LRRTM2: variants seen among roughly 807,000 people sequenced by gnomAD.
The protein encoded by LRRTM2 is leucine rich repeat transmembrane neuronal 2, also known as leucine-rich repeat transmembrane neuronal protein 2.
A neutral mutation model predicts 40.7 loss-of-function variants in LRRTM2; 14 were observed. That is an observed-to-expected ratio of 0.34 (90% CI 0.23 to 0.54). LRRTM2 has a LOEUF of 0.54. Among genes scored for constraint, LRRTM2 ranks in the 20% least tolerant of loss-of-function variants. The probability of loss-of-function intolerance (pLI) is 0.92; values close to 1 mark genes in which losing one functional copy is unlikely to be tolerated. For synonymous variants in LRRTM2, 223 were observed against 237.6 expected (o/e 0.94, Z 0.57); for missense variants, 468 against 624.4 (o/e 0.75, Z 2.67).
Position 138,871,488 on chromosome 5 carries a change from G to A in LRRTM2, c.*1522C>T. ...TGTGGTTCTTTTCTGCATGAAAAAT[G>A]TGGCATCCTTATCATTTGTTAACTA... On this transcript the variant is annotated 3_prime_UTR_variant, in exon 2 of 2. Coordinates refer to ENST00000274711, the MANE Select transcript of LRRTM2 (RefSeq NM_015564.3). 1 of 152,216 alleles carries A rather than the reference G, an allele frequency of 6.6e-6. No individual in the cohort carries two copies. Among genetic ancestry groups the A allele is most frequent in the Non-Finnish European group, 1.5e-5 (1 of 68,020 alleles). 9.4% of individuals were successfully genotyped at this position (152,216 alleles called of 1,614,324 possible).
Position 138,869,263 on chromosome 5 carries a change from T to C in LRRTM2, c.*3747A>G, listed in dbSNP as rs138637677. On this transcript the variant is annotated 3_prime_UTR_variant, in exon 2 of 2. Coordinates refer to ENST00000274711, the MANE Select transcript of LRRTM2 (RefSeq NM_015564.3). ...ATGTTTGCAATAGCAGAATGAAAGC[T>C]TAAACAGTAATTTTCTATTTGTTTT... The C allele has an allele frequency of 7.9e-5, 12 of 152,186 alleles. No individual in the cohort carries two copies. The highest frequency in any genetic ancestry group is 3.9e-4 in the Admixed American group (6 of 15,290). 9.4% of individuals were successfully genotyped at this position (152,186 alleles called of 1,614,324 possible).
Position 138,870,428 on chromosome 5 carries a change from G to A in LRRTM2, c.*2582C>T, listed in dbSNP as rs1765230035. The stretch of plus-strand genomic sequence containing the variant: ...AAGGACATTACCCAGAAAAATGGAA[G>A]GCAAAAAATTTTGATTTTTTTCAAC... On this transcript the variant is annotated 3_prime_UTR_variant, in exon 2 of 2. Coordinates refer to ENST00000274711, the MANE Select transcript of LRRTM2 (RefSeq NM_015564.3). 2 of 152,158 alleles carry A rather than the reference G, an allele frequency of 1.3e-5. No individual in the cohort carries two copies. The highest frequency in any genetic ancestry group is 4.1e-4 in the South Asian group (2 of 4,830). 9.4% of individuals were successfully genotyped at this position (152,158 alleles called of 1,614,324 possible).
Position 138,873,667 on chromosome 5 carries a change from G to A in LRRTM2, c.894C>T (p.Asn298=), listed in dbSNP as rs1294236634. ...CAACGGTTGTGAGGGATCTCAGGGA[G>A]TTTAAGATCTTGGAATCAAGGCTGT... ...KLNSLDSKIL[N]SLRSLTTVGL... Residue 298 remains asparagine (N), a synonymous_variant, in exon 2 of 2, where the codon AAC becomes AAT. Transcript: ENST00000274711. This position sits in a 1 kb window ranked among gnomAD's most constrained non-coding sequence, Gnocchi z 6.1. The A allele has an allele frequency of 1.9e-6, 3 of 1,614,056 alleles. No individual in the cohort carries two copies. The South Asian group carries it at 3.3e-5, about 18-fold the overall frequency.
chr5:138,874,188 G>A lies in LRRTM2; in HGVS notation c.373C>T (p.Pro125Ser), dbSNP rs750634206. 6.2e-7 allele frequency: 1 copy of A among 1,613,938 alleles called. No individual in the cohort carries two copies. Among genetic ancestry groups the A allele is most frequent in the Non-Finnish European group, 8.5e-7 (1 of 1,179,868 alleles). ...ATCAGTTGGGTAAAAGTTGTGTTTG[G>A]CAAGTAAAATATTTTGTTGGAACTT... is the stretch of plus-strand genomic sequence containing the variant. ...ILSSNKIFYL[P>S]NTTFTQLINL... The change falls in exon 2 of 2, where the codon CCA becomes TCA. Residue 125 changes from proline (P) to serine (S), a missense_variant. Coordinates refer to ENST00000274711, the MANE Select transcript of LRRTM2 (RefSeq NM_015564.3). The surrounding 1 kb of genome is among the most constrained non-coding windows in gnomAD (Gnocchi z 4.1).
rs1750818919 is a variant in LRRTM2, at chr5:138,872,947, A to T, written c.*63T>A. 1 of 1,218,132 alleles carries T rather than the reference A, an allele frequency of 8.2e-7. No individual in the cohort carries two copies. The highest frequency in any genetic ancestry group is 2.3e-5 in the Admixed American group (1 of 42,768). 75.5% of individuals were successfully genotyped at this position (1,218,132 alleles called of 1,614,324 possible). ...CACCATTGGTAAAAATTAGATATGT[A>T]TTTAGCCTCTACTATGTAAAATAGG... On this transcript the variant is annotated 3_prime_UTR_variant, in exon 2 of 2. Transcript: ENST00000274711.
Position 138,874,061 on chromosome 5 carries a change from T to C in LRRTM2, c.500A>G (p.Asn167Ser), listed in dbSNP as rs1294547808. Residue 167 changes from asparagine (N) to serine (S), a missense_variant, in exon 2 of 2, where the codon AAC becomes AGC. Physicochemically the swap from Asn to Ser is conservative, Grantham distance 46 (BLOSUM62 1). Transcript: ENST00000274711. The surrounding 1 kb of genome is among the most constrained non-coding windows in gnomAD (Gnocchi z 4.1). ...GCGTACTGGGATAGTCCGCAGGGAG[T>C]TGGAACGTAAATGCAAGGTCTGCAG... ...RKLQTLHLRS[N>S]SLRTIPVRLF... The C allele has an allele frequency of 1.2e-6, 2 of 1,613,376 alleles. No individual in the cohort carries two copies. The highest frequency in any genetic ancestry group is 1.3e-5 in the African/African-American group (1 of 74,710).
rs1251826695 is a variant in LRRTM2, at chr5:138,871,974, A to AT, written c.*1035_*1036insA. 2.0e-5 allele frequency: 3 copies of AT among 151,628 alleles called. No homozygotes were observed. Among genetic ancestry groups the AT allele is most frequent in the African/African-American group, 4.8e-5 (2 of 41,268 alleles). The allele number at this position is 151,628 out of a possible 1,614,324, so 9.4% of individuals were successfully genotyped here. A position where few individuals can be genotyped will look rare whatever the true frequency, so the allele number is the denominator to read the frequency against. On this transcript the variant is annotated 3_prime_UTR_variant, in exon 2 of 2. Transcript: ENST00000274711. ...GGAAAAAGCAGAAGAAAGAGGTTTAAACCCCTTTGTCAAGGCATCTTTGAT... is the reference window on the plus strand; with the variant it reads ...GGAAAAAGCAGAAGAAAGAGGTTTAATACCCCTTTGTCAAGGCATCTTTGAT...
Position 138,870,101 on chromosome 5 carries a change from T to C in LRRTM2, c.*2909A>G, listed in dbSNP as rs912126715. ...GGTCATTTTCCTCTAATCTTAAAAA[T>C]AGAAAAAAAATGGAGTGGGTAGTGG... is the stretch of plus-strand genomic sequence containing the variant. On this transcript the variant is annotated 3_prime_UTR_variant, in exon 2 of 2. Transcript: ENST00000274711. 3.3e-5 allele frequency: 5 copies of C among 152,004 alleles called. No individual in the cohort carries two copies. Among genetic ancestry groups the C allele is most frequent in the African/African-American group, 9.7e-5 (4 of 41,382 alleles). 9.4% of individuals were successfully genotyped at this position (152,004 alleles called of 1,614,324 possible).
In LRRTM2 at chr5:138,874,217, A is replaced by C; in HGVS notation, c.344T>G (p.Ile115Ser). ...GTAAAATATTTTGTTGGAACTTAAGATTAATTCCTTAAGTTTATATAGTCC... is the reference window on the plus strand; with the variant it reads ...GTAAAATATTTTGTTGGAACTTAAGCTTAATTCCTTAAGTTTATATAGTCC... ...FQGLYKLKEL[I>S]LSSNKIFYLP... Residue 115 changes from isoleucine to serine, a missense_variant, in exon 2 of 2, where the codon ATC (isoleucine) becomes AGC (serine). Physicochemically the swap from Ile to Ser is moderately radical, Grantham distance 142. Coordinates refer to ENST00000274711, the MANE Select transcript of LRRTM2 (RefSeq NM_015564.3). This position sits in a 1 kb window ranked among gnomAD's most constrained non-coding sequence, Gnocchi z 4.1. 1 of 1,613,920 alleles carries C rather than the reference A, an allele frequency of 6.2e-7. No homozygotes were observed. Among genetic ancestry groups the C allele is most frequent in the South Asian group, 1.1e-5 (1 of 91,080 alleles).
rs1188979387 is a variant in LRRTM2 at position 138,869,750 on chromosome 5, G to A, written c.*3260C>T. On this transcript the variant is annotated 3_prime_UTR_variant, in exon 2 of 2. Coordinates refer to ENST00000274711, the MANE Select transcript of LRRTM2 (RefSeq NM_015564.3). ...TGGATTTTAATAATTAGTGGCGTTG[G>A]GAAGTTCAGTCAATTCCATTTATTG... The A allele has an allele frequency of 1.3e-5, 2 of 152,678 alleles. No individual in the cohort carries two copies. Among genetic ancestry groups the A allele is most frequent in the Non-Finnish European group, 2.9e-5 (2 of 68,030 alleles). 9.5% of individuals were successfully genotyped at this position (152,678 alleles called of 1,614,324 possible). A position where few individuals can be genotyped will look rare whatever the true frequency, so the allele number is the denominator to read the frequency against.
In LRRTM2 at chr5:138,873,744, A is replaced by G; in HGVS notation, c.817T>C (p.Phe273Leu). The change falls in exon 2 of 2, where the codon TTT (phenylalanine) becomes CTT (leucine). Residue 273 changes from phenylalanine (F) to leucine (L), a missense_variant. Physicochemically the swap from Phe to Leu is conservative, Grantham distance 22. Coordinates refer to ENST00000274711, the MANE Select transcript of LRRTM2 (RefSeq NM_015564.3). The surrounding 1 kb of genome is among the most constrained non-coding windows in gnomAD (Gnocchi z 6.1). ...ATTTTAAGATTGGGCATCGTTTCAAACACTGTCAAGTCGATGGCTTTGATT... is the reference window on the plus strand; with the variant it reads ...ATTTTAAGATTGGGCATCGTTTCAAGCACTGTCAAGTCGATGGCTTTGATT... The part of the protein sequence containing the change: ...NEIKAIDLTV[F>L]ETMPNLKILL... 1 of 1,614,038 alleles carries G rather than the reference A, an allele frequency of 6.2e-7. No individual in the cohort carries two copies. Among genetic ancestry groups the G allele is most frequent in the Non-Finnish European group, 8.5e-7 (1 of 1,179,902 alleles).
chr5:138,873,965 T>C lies in LRRTM2; in HGVS notation c.596A>G (p.Asn199Ser). 6.2e-7 allele frequency: 1 copy of C among 1,614,004 alleles called. No homozygotes were observed. The highest frequency in any genetic ancestry group is 8.5e-7 in the Non-Finnish European group (1 of 1,179,894). ...STNRLRSLAR[N>S]GFAGLIKLRE... ...CAGTTTAATTAATCCTGCAAATCCA[T>C]TGCGAGCCAAACTTCGCAAACGATT... The change falls in exon 2 of 2, where the codon AAT becomes AGT. Residue 199 changes from asparagine to serine, a missense_variant. By Grantham distance (46) the Asn-to-Ser change is conservative. Coordinates refer to ENST00000274711, the MANE Select transcript of LRRTM2 (RefSeq NM_015564.3). The surrounding 1 kb of genome is among the most constrained non-coding windows in gnomAD (Gnocchi z 6.1).
chr5:138,871,279 C>T lies in LRRTM2; in HGVS notation c.*1731G>A, dbSNP rs1750575141. ...AGGTTTTATGTCTTTTTTCTACATACAGTAAATGGCAGTTGTAAAAAATGC... is the reference window on the plus strand; with the variant it reads ...AGGTTTTATGTCTTTTTTCTACATATAGTAAATGGCAGTTGTAAAAAATGC... On this transcript the variant is annotated 3_prime_UTR_variant, in exon 2 of 2. Transcript: ENST00000274711. The T allele has an allele frequency of 6.6e-6, 1 of 152,096 alleles. No individual in the cohort carries two copies. The highest frequency in any genetic ancestry group is 1.5e-5 in the Non-Finnish European group (1 of 68,016). The allele number at this position is 152,096 out of a possible 1,614,324, so 9.4% of individuals were successfully genotyped here.
chr5:138,871,914 T>G lies in LRRTM2; in HGVS notation c.*1096A>C, dbSNP rs1750680687. 6.6e-6 allele frequency: 1 copy of G among 152,196 alleles called. No homozygotes were observed. Among genetic ancestry groups the G allele is most frequent in the South Asian group, 2.1e-4 (1 of 4,826 alleles). The allele number at this position is 152,196 out of a possible 1,614,324, so 9.4% of individuals were successfully genotyped here. On this transcript the variant is annotated 3_prime_UTR_variant, in exon 2 of 2. Coordinates refer to ENST00000274711, the MANE Select transcript of LRRTM2 (RefSeq NM_015564.3). ...AGTGTTAAGCCTGTTGCTAGCCAAT[T>G]ATTTTTAACTTGGCTCTTTGAGGTT... is the stretch of plus-strand genomic sequence containing the variant.
Position 138,874,729 on chromosome 5 carries a change from C to T in LRRTM2, c.5-173G>A, listed in dbSNP as rs891157456. Among the ~76,000 whole-genome samples the T allele has an allele frequency of 6.6e-6, 1 of 152,116 alleles. No individual in the cohort carries two copies. The highest frequency in any genetic ancestry group is 2.1e-4 in the South Asian group (1 of 4,826). ...CCTTATTGGTATGACTGGACCAAAACTTAAGCCATTTAAAAAGAAGATAAA... is the reference window on the plus strand; with the variant it reads ...CCTTATTGGTATGACTGGACCAAAATTTAAGCCATTTAAAAAGAAGATAAA... On this transcript the variant is annotated intron_variant, in intron 1 of 1. Coordinates refer to ENST00000274711, the MANE Select transcript of LRRTM2 (RefSeq NM_015564.3). This position sits in a 1 kb window ranked among gnomAD's most constrained non-coding sequence, Gnocchi z 4.1.
At position 138,869,050 on chromosome 5, in the gene LRRTM2, C is replaced by G. The variant is rs961993749; in HGVS notation, c.*3960G>C. ...TTCCCACCCTCAACCCATCTGCCCA[C>G]CTCCCACCCAAAAAGAAAAATGGCT... On this transcript the variant is annotated 3_prime_UTR_variant, in exon 2 of 2. Coordinates refer to ENST00000274711, the MANE Select transcript of LRRTM2 (RefSeq NM_015564.3). 1 of 150,268 alleles carries G rather than the reference C, an allele frequency of 6.7e-6. No homozygotes were observed. 9.3% of individuals were successfully genotyped at this position (150,268 alleles called of 1,614,324 possible).
Position 138,874,862 on chromosome 5 carries a change from G to A in LRRTM2, c.4+46C>T, listed in dbSNP as rs779620232. 3.9e-5 allele frequency: 61 copies of A among 1,553,320 alleles called. No homozygotes were observed. Among genetic ancestry groups the A allele is most frequent in the South Asian group, 2.7e-4 (23 of 85,964 alleles). On this transcript the variant is annotated intron_variant, in intron 1 of 1. Transcript: ENST00000274711. The surrounding 1 kb of genome is among the most constrained non-coding windows in gnomAD (Gnocchi z 4.1). ...GAATTCGGTAGCTTATTTTAAAAGC[G>A]TGATTCCTTGTTGAATGTACAAGAC...
At position 138,873,880 on chromosome 5, in the gene LRRTM2, C is replaced by T. The variant is rs758734380; in HGVS notation, c.681G>A (p.Arg227=). 3.8e-5 allele frequency: 62 copies of T among 1,613,840 alleles called. No homozygotes were observed. The highest frequency in any genetic ancestry group is 2.2e-5 in the East Asian group (1 of 44,902). The part of the protein sequence containing the change: ...LTKINFAHFL[R]LSSLHTLFLQ... ...AGAAGAGCGTGTGCAGACTGCTTAG[C>T]CGTAGGAAATGAGCAAAATTAATCT... The change falls in exon 2 of 2, where the codon CGG becomes CGA. Residue 227 remains arginine (R), a synonymous_variant. Transcript: ENST00000274711. The surrounding 1 kb of genome is among the most constrained non-coding windows in gnomAD (Gnocchi z 6.1).
Position 138,874,226 on chromosome 5 carries a change from T to G in LRRTM2, c.335A>C (p.Lys112Thr). Residue 112 changes from lysine to threonine, a missense_variant, in exon 2 of 2, where the codon AAG (lysine) becomes ACG (threonine). Physicochemically the swap from Lys to Thr is moderately conservative, Grantham distance 78 (BLOSUM62 -1). Transcript: ENST00000274711. This position sits in a 1 kb window ranked among gnomAD's most constrained non-coding sequence, Gnocchi z 4.1. ...TTTGTTGGAACTTAAGATTAATTCC[T>G]TAAGTTTATATAGTCCTTGAAAAGC... ...EDAFQGLYKL[K>T]ELILSSNKIF... is the part of the protein sequence containing the mutation. 1 of 1,614,028 alleles carries G rather than the reference T, an allele frequency of 6.2e-7. No individual in the cohort carries two copies. Among genetic ancestry groups the G allele is most frequent in the South Asian group, 1.1e-5 (1 of 91,082 alleles).
Sources: gnomAD v4.1 joint callset for allele counts (sites outside exome capture counted in the v4.1 genomes callset) on GRCh38, gnomAD v4.1.1 for gene constraint, Gnocchi (gnomAD v3.1) non-coding constraint, MANE v1.5 for transcripts, NCBI Gene and HGNC (gene_info 2026-07-23, HGNC 2026-07-21) for gene names.